MED14: variants seen among roughly 807,000 people sequenced by gnomAD.
The protein encoded by MED14 is mediator complex subunit 14.
MED14 carries 8 observed loss-of-function variants against 109.0 expected under a neutral mutation model. The ratio of observed to expected loss-of-function variants is 0.07; its 90% CI spans 0.04 to 0.13. The LOEUF (loss-of-function observed/expected upper bound fraction) is 0.13. MED14 is among the 10% of genes least tolerant of loss of function. The pLI, the probability that MED14 is intolerant of heterozygous loss-of-function variation, is 1.00. For missense variants in MED14, 711 were observed against 1,142.4 expected, an observed-to-expected ratio of 0.62 and a Z score of 5.44; for synonymous variants, 399 against 408.7, an observed-to-expected ratio of 0.98 and a Z score of 0.29.
chrX:40,676,333 C>T (rs1379865991), intron 21 of MED14, among the ~76,000 whole-genome samples: 3 of 111,916 alleles, frequency 2.7e-5, no homozygotes, highest in East Asian at 2.8e-4. Context: ...GGGCTCACAA[C>T]ACACATTGCA....
At chrX:40,717,459 G>C (rs1314735201) in intron 3 of MED14, among the ~76,000 whole-genome samples, 2 of 111,159 alleles carry the variant, frequency 1.8e-5, no homozygotes, top group Non-Finnish European at 3.8e-5. Context: ...GCTCATCACA[G>C]AGCTAAAAAC....
chrX:40,695,754 TTAAAATTCAGAAAAAAG>T (rs755727132), intron 13 of MED14, among the ~76,000 whole-genome samples: 13 of 111,695 alleles, frequency 1.2e-4, no homozygotes, highest in African/African-American at 3.9e-4. Context: ...AGCTGCTGTT[TTAAAATTCAGAAAAAAG>T]TAAAATTCAG....
intron 10 of MED14, among the ~76,000 whole-genome samples, chrX:40,708,451 A>C (rs1404746224): frequency 8.9e-6 from 1 of 112,164 alleles, no homozygotes; most frequent in African/African-American, 3.2e-5. Context: ...CATACCTAAG[A>C]AGCTGCTTCT....
In MED14 at chrX:40,713,060, T is replaced by C; in HGVS notation, c.653-18A>G. On this transcript the variant is annotated intron_variant, in intron 5 of 30. Transcript: ENST00000324817. Reference sequence around the variant, plus strand: ...GCCATTTGCTTTTAGAAGAAAAAGATGAAGAAAAAGAAGTGTACTTTGCTA... The same window carrying C: ...GCCATTTGCTTTTAGAAGAAAAAGACGAAGAAAAAGAAGTGTACTTTGCTA... The C allele has an allele frequency of 1.7e-6, 2 of 1,153,678 alleles. No homozygotes were observed. The highest frequency in any genetic ancestry group is 2.3e-6 in the Non-Finnish European group (2 of 860,683).
At chrX:40,735,158 AG>A in intron 1 of MED14, 39 bp downstream of exon 1, 1 of 817,045 alleles carries the variant, frequency 1.2e-6, no homozygotes, top group Non-Finnish European at 1.5e-6. Flanking sequence ...TTGGGCGGGA[AG>A]GGGGGCTGGG....
chrX:40,733,918 G>A (rs1282732702), intron 1 of MED14, among the ~76,000 whole-genome samples: 1 of 111,813 alleles, frequency 8.9e-6, no homozygotes, highest in African/African-American at 3.3e-5. Context: ...TAAAGGGTGT[G>A]GGACTATAAC....
At position 40,648,659 on chromosome X, in the gene MED14, T is replaced by A. The variant is rs1399993301; in HGVS notation, c.*3147A>T. The A allele has an allele frequency of 8.9e-6, 1 of 112,617 alleles. No individual in the cohort carries two copies. The highest frequency in any genetic ancestry group is 2.8e-4 in the East Asian group (1 of 3,626). 9.3% of individuals were successfully genotyped at this position (112,617 alleles called of 1,213,427 possible). On this transcript the variant is annotated 3_prime_UTR_variant, in exon 31 of 31. Transcript: ENST00000324817. Reference sequence around the variant, plus strand: ...ACACAGTAAGCTCTCAGTAAATACTTGCTATTATTTTATATTGACCTAAAT... The same window carrying A: ...ACACAGTAAGCTCTCAGTAAATACTAGCTATTATTTTATATTGACCTAAAT...
Position 40,701,259 on chromosome X carries a change from C to T in MED14, c.1412-16G>A. On this transcript the variant is annotated splice_polypyrimidine_tract_variant and intron_variant, in intron 11 of 30. Transcript: ENST00000324817. ...GTGGCCTGGTCTACAGAATAAAGCA[C>T]TTCATTAATTAATTGCTTATATGAG... 1 of 1,081,095 alleles carries T rather than the reference C, an allele frequency of 9.2e-7. No individual in the cohort carries two copies. 89.1% of individuals were successfully genotyped at this position (1,081,095 alleles called of 1,213,427 possible).
At chrX:40,706,551 A>G (rs1413111986) in intron 10 of MED14, among the ~76,000 whole-genome samples, 2 of 111,453 alleles carry the variant, frequency 1.8e-5, no homozygotes, top group Non-Finnish European at 3.8e-5. Flanking sequence ...GATGAGGAGA[A>G]TGGCCCAAAT....
At chrX:40,687,575 C>T (rs755309662) in intron 16 of MED14, among the ~76,000 whole-genome samples, 1 of 111,529 alleles carries the variant, frequency 9.0e-6, no homozygotes, top group East Asian at 2.8e-4. Context: ...GCGTACATTT[C>T]CAGCCTCATT....
chrX:40,676,228 G>A (rs1929904325), intron 21 of MED14, among the ~76,000 whole-genome samples: 1 of 111,966 alleles, frequency 8.9e-6, no homozygotes, highest in African/African-American at 3.2e-5. Flanking sequence ...AGGCTGCAGT[G>A]AGCCGTGATC....
At chrX:40,728,303 T>C (rs967962026) in intron 2 of MED14, among the ~76,000 whole-genome samples, 4 of 111,321 alleles carry the variant, frequency 3.6e-5, no homozygotes, top group African/African-American at 1.3e-4. Flanking sequence ...GCAACATGAG[T>C]CAGTTTTTCA....
chrX:40,703,363 CTAA>C (rs1931022571), intron 11 of MED14, 78 bp downstream of exon 11: 2 of 886,621 alleles, frequency 2.3e-6, no homozygotes, highest in African/African-American at 4.0e-5. Flanking sequence ...TTTCTAATAC[CTAA>C]TGACAGAAAA....
In MED14 at chrX:40,651,795, A is replaced by C; in HGVS notation, c.*11T>G. ...CATCTGTCAGCCTTCCTGGTTTAAA[A>C]ACAATAGTGTCTATGGACGCCCACC... is the stretch of plus-strand genomic sequence containing the variant. On this transcript the variant is annotated 3_prime_UTR_variant, in exon 31 of 31. Coordinates refer to ENST00000324817, the MANE Select transcript of MED14 (RefSeq NM_004229.4). The C allele has an allele frequency of 8.5e-7, 1 of 1,176,282 alleles. No homozygotes were observed. The highest frequency in any genetic ancestry group is 2.0e-5 in the South Asian group (1 of 49,816).
chrX:40,675,468 G>T (rs1929881923), intron 21 of MED14, 107 bp from the exon 22 acceptor site: 1 of 560,727 alleles, frequency 1.8e-6, no homozygotes, highest in Non-Finnish European at 2.5e-6. Context: ...GTTGATCCTT[G>T]AAGATCGTTA....
At chrX:40,735,562 G>A, upstream of MED14, 1 of 578,567 alleles carries the variant, frequency 1.7e-6, no homozygotes, top group Non-Finnish European at 2.9e-6. Context: ...CGCCGACCGC[G>A]GAAGCCCGCC....
chrX:40,703,845 T>C (rs1931041064), intron 10 of MED14, among the ~76,000 whole-genome samples: 2 of 112,699 alleles, frequency 1.8e-5, no homozygotes, highest in Non-Finnish European at 1.9e-5. Context: ...AAATAGCTAG[T>C]GAAAATTCAA....
chrX:40,731,106 A>C (rs1265122966), intron 1 of MED14, among the ~76,000 whole-genome samples: 1 of 106,389 alleles, frequency 9.4e-6, no homozygotes, highest in Non-Finnish European at 1.9e-5. Context: ...GTGCCACTGC[A>C]TTCCAGCCTG....
At chrX:40,676,346 C>T (rs1401863172) in intron 21 of MED14, among the ~76,000 whole-genome samples, 1 of 112,066 alleles carries the variant, frequency 8.9e-6, no homozygotes. Context: ...ACATTGCATT[C>T]TTTCCCCACT....
Sources: gnomAD v4.1 joint callset for allele counts (sites outside exome capture counted in the v4.1 genomes callset) on GRCh38, gnomAD v4.1.1 for gene constraint, MANE v1.5 for transcripts, NCBI Gene and HGNC (gene_info 2026-07-23, HGNC 2026-07-21) for gene names.